LOXL2: variants seen among roughly 807,000 people sequenced by gnomAD.
LOXL2 encodes the protein lysyl oxidase homolog 2.
LOXL2 carries 70 observed loss-of-function variants against 93.0 expected under a neutral mutation model. The ratio of observed to expected loss-of-function variants is 0.75; its 90% CI spans 0.62 to 0.92. LOXL2 has a LOEUF of 0.92. LOXL2 is among the 40% of genes least tolerant of loss of function. The probability of loss-of-function intolerance (pLI) is 0.00; values close to 1 mark genes in which losing one functional copy is unlikely to be tolerated. For missense variants in LOXL2, 973 were observed against 1,054.9 expected (o/e 0.92, Z 1.08); for synonymous variants, 438 against 413.2 (o/e 1.06, Z -0.73).
chr8:23,378,258 A>T (rs1804623035), intron 1 of LOXL2, among the ~76,000 whole-genome samples: 1 of 152,156 alleles, frequency 6.6e-6, no homozygotes. Context: ...AAGAATGTTG[A>T]ATATTGGCCC....
At position 23,354,951 on chromosome 8, in the gene LOXL2, T is replaced by TATATA. The variant is rs1563200197; in HGVS notation, c.531+5138_531+5139insTATAT. On this transcript the variant is annotated intron_variant, in intron 3 of 13. Transcript: ENST00000389131. ...AGTTGGAATATATATATATATATAT[T>TATATA]TTTTTTTTTTTTTTTTTTTTTTTTT... Among the ~76,000 whole-genome samples, 176 of 19,086 alleles carry TATATA rather than the reference T, an allele frequency of 9.2e-3. 1 individual carries two copies. The highest frequency in any genetic ancestry group is 0.031 in the Middle Eastern group (1 of 32). The allele number at this position is 19,086 out of a possible 152,430, so 12.5% of individuals were successfully genotyped here.
chr8:23,325,658 T>A (rs1803566248), intron 6 of LOXL2, among the ~76,000 whole-genome samples: 1 of 152,190 alleles, frequency 6.6e-6, no homozygotes, highest in Non-Finnish European at 1.5e-5. Context: ...TCCTACTGAT[T>A]CAACTGGAAC....
Position 23,368,151 on chromosome 8 carries a change from G to A in LOXL2, c.201C>T (p.His67=). The A allele has an allele frequency of 3.1e-6, 5 of 1,614,114 alleles. No individual in the cohort carries two copies. The highest frequency in any genetic ancestry group is 4.2e-6 in the Non-Finnish European group (5 of 1,180,016). Residue 67 remains histidine, a synonymous_variant, in exon 2 of 14, where the codon CAC becomes CAT. Coordinates refer to ENST00000389131, the MANE Select transcript of LOXL2 (RefSeq NM_002318.3). ...QLRLAGQKRK[H]SEGRVEVYYD... is the part of the protein sequence containing the mutation. ...AGTACACCTCCACCCGGCCCTCGCT[G>A]TGCTTCCTCTTCTGCCCAGCCAGGC...
At chr8:23,342,720 C>T (rs762393155) in intron 3 of LOXL2, among the ~76,000 whole-genome samples, 5 of 151,906 alleles carry the variant, frequency 3.3e-5, no homozygotes, top group Non-Finnish European at 7.4e-5. Flanking sequence ...CATGAGCCAC[C>T]GTGCCCGGCC....
chr8:23,368,936 G>C (rs1317191100), intron 1 of LOXL2, among the ~76,000 whole-genome samples: 2 of 152,108 alleles, frequency 1.3e-5, no homozygotes, highest in African/African-American at 4.8e-5. Context: ...ATAAATACCT[G>C]ACTCCCTTTC....
At chr8:23,393,942 G>T (rs564502598) in intron 1 of LOXL2, among the ~76,000 whole-genome samples, 16 of 152,298 alleles carry the variant, frequency 1.1e-4, no homozygotes, top group African/African-American at 3.8e-4. Flanking sequence ...CAGAATAGAC[G>T]TTGAATAAAT....
chr8:23,367,634 G>C (rs1585373631), intron 2 of LOXL2, among the ~76,000 whole-genome samples: 2 of 134,184 alleles, frequency 1.5e-5, no homozygotes, highest in South Asian at 4.7e-4. Flanking sequence ...GCAGCCCCCA[G>C]GCAGGGCATA....
At chr8:23,402,637 A>G (rs933295993) in intron 1 of LOXL2, 1 of 152,196 alleles carries the variant, frequency 6.6e-6, no homozygotes, top group Non-Finnish European at 1.5e-5. Flanking sequence ...TCCACCAAAG[A>G]TGACAAATGT....
chr8:23,383,722 G>A (rs1221064608), intron 1 of LOXL2, among the ~76,000 whole-genome samples: 3 of 139,748 alleles, frequency 2.1e-5, no homozygotes, highest in Non-Finnish European at 3.0e-5. Context: ...GTGCAGTGGC[G>A]CAATCTCGGC....
At chr8:23,298,797 T>C (rs1585338830) in intron 13 of LOXL2, 39 bp downstream of exon 13, 1 of 1,328,036 alleles carries the variant, frequency 7.5e-7, no homozygotes, top group East Asian at 2.3e-5. Flanking sequence ...GTAGGGCAGC[T>C]CCCGCCTGCT....
At chr8:23,377,705 A>G (rs1009155267) in intron 1 of LOXL2, among the ~76,000 whole-genome samples, 1 of 151,826 alleles carries the variant, frequency 6.6e-6, no homozygotes, top group Admixed American at 6.6e-5. Flanking sequence ...GGCCTTCTTT[A>G]TCTCTTTTGA....
intron 1 of LOXL2, among the ~76,000 whole-genome samples, chr8:23,376,880 C>T (rs1240510908): frequency 2.0e-5 from 3 of 152,000 alleles, no homozygotes; most frequent in Non-Finnish European, 4.4e-5. Context: ...TTGATCTTTT[C>T]AAAAAACCAG....
chr8:23,390,750 G>A (rs1187561545), intron 1 of LOXL2, among the ~76,000 whole-genome samples: 1 of 152,186 alleles, frequency 6.6e-6, no homozygotes, highest in Non-Finnish European at 1.5e-5. Context: ...TAAAGGGGCA[G>A]GGAAAATCCA....
intron 1 of LOXL2, among the ~76,000 whole-genome samples, chr8:23,369,567 A>G (rs12544591): frequency 2.6e-5 from 4 of 151,996 alleles, no homozygotes; most frequent in African/African-American, 7.3e-5. Context: ...AGAGCTGCCC[A>G]TGGAGGGATG....
At chr8:23,350,507 T>A (rs940230461) in intron 3 of LOXL2, among the ~76,000 whole-genome samples, 1 of 151,980 alleles carries the variant, frequency 6.6e-6, no homozygotes, top group South Asian at 2.1e-4. Context: ...GAGGCGGAGG[T>A]TGCAGTGAGC....
In LOXL2 at chr8:23,297,902, GAC is replaced by G. The variant is rs1803063168; in HGVS notation, c.*139_*140del. On this transcript the variant is annotated 3_prime_UTR_variant, in exon 14 of 14. Transcript: ENST00000389131. ...GAGGGTCCCTTTCCTCCTGAGCTTA[GAC>G]ACAGCTGTAGGGGTCTGGACAGGGT... 1 of 645,314 alleles carries G rather than the reference GAC, an allele frequency of 1.5e-6. No individual in the cohort carries two copies. Among genetic ancestry groups the G allele is most frequent in the Non-Finnish European group, 2.7e-6 (1 of 365,132 alleles). 40.0% of individuals were successfully genotyped at this position (645,314 alleles called of 1,614,324 possible). A position where few individuals can be genotyped will look rare whatever the true frequency, so the allele number is the denominator to read the frequency against.
chr8:23,332,273 C>T (rs1335587931), intron 5 of LOXL2, among the ~76,000 whole-genome samples: 2 of 125,306 alleles, frequency 1.6e-5, no homozygotes, highest in African/African-American at 6.1e-5. Flanking sequence ...CCCACACATA[C>T]ACACAACCCA....
chr8:23,313,692 C>A (rs1430585221), intron 9 of LOXL2, among the ~76,000 whole-genome samples: 2,779 of 150,260 alleles, frequency 0.018, 84 homozygotes, highest in African/African-American at 0.064. Flanking sequence ...ACCATAAAAA[C>A]CCTAGAAGAA....
chr8:23,300,216 T>TA (rs745754195), intron 12 of LOXL2, among the ~76,000 whole-genome samples: 3 of 152,218 alleles, frequency 2.0e-5, no homozygotes, highest in Non-Finnish European at 4.4e-5. Context: ...GGGCCAGTGT[T>TA]ACGTGTGGGG....
Sources: gnomAD v4.1 joint callset for allele counts (sites outside exome capture counted in the v4.1 genomes callset) on GRCh38, gnomAD v4.1.1 for gene constraint, MANE v1.5 for transcripts, NCBI Gene and HGNC (gene_info 2026-07-23, HGNC 2026-07-21) for gene names.